The following PRKAG2 variants were observed in gnomAD, a reference collection of about 807,000 sequenced individuals.
The protein encoded by PRKAG2 is protein kinase AMP-activated non-catalytic subunit gamma 2, also known as 5'-AMP-activated protein kinase subunit gamma-2.
A neutral mutation model predicts 69.6 loss-of-function variants in PRKAG2; 26 were observed. The ratio of observed to expected loss-of-function variants is 0.37; its 90% CI spans 0.27 to 0.52. The LOEUF is 0.52. PRKAG2 is among the 20% of genes least tolerant of loss of function. PRKAG2 has a pLI of 0.90. For synonymous variants in PRKAG2, 293 were observed against 285.0 expected, an observed-to-expected ratio of 1.03 and a Z score of -0.28; for missense variants, 557 against 740.0, an observed-to-expected ratio of 0.75 and a Z score of 2.87.
intron 5 of PRKAG2, among the ~76,000 whole-genome samples, chr7:151,602,636 T>C (rs1322107456): frequency 6.6e-6 from 1 of 152,190 alleles, no homozygotes; most frequent in Non-Finnish European, 1.5e-5. Context: ...ATATACTCCA[T>C]ATCAGGTTCC....
Position 151,822,898 on chromosome 7 carries a change from T to C in PRKAG2, c.115-36357A>G, listed in dbSNP as rs2078821975. 1.3e-5 allele frequency among the ~76,000 whole-genome samples: 2 copies of C among 152,072 alleles called. 1 individual carries two copies. Among genetic ancestry groups the C allele is most frequent in the South Asian group, 4.1e-4 (2 of 4,824 alleles). On this transcript the variant is annotated intron_variant, in intron 1 of 15. Transcript: ENST00000287878. Reference sequence around the variant, plus strand: ...AGAATGTTCAGCCCTGATTCAAAAATGAAACAAACAAGAAAACAACCTCCA... The same window carrying C: ...AGAATGTTCAGCCCTGATTCAAAAACGAAACAAACAAGAAAACAACCTCCA...
At chr7:151,634,791 T>G (rs983639718) in intron 4 of PRKAG2, among the ~76,000 whole-genome samples, 2 of 152,046 alleles carry the variant, frequency 1.3e-5, no homozygotes, top group African/African-American at 4.8e-5. Flanking sequence ...ATTATATAAA[T>G]GCGAATTAAA....
chr7:151,751,167 A>C (rs1391700757), intron 3 of PRKAG2, among the ~76,000 whole-genome samples: 1 of 145,324 alleles, frequency 6.9e-6, no homozygotes, highest in African/African-American at 2.6e-5. Context: ...GTGTGATCTC[A>C]GCTCACTGCA....
chr7:151,858,055 T>C (rs539173031), intron 1 of PRKAG2, among the ~76,000 whole-genome samples: 5 of 152,320 alleles, frequency 3.3e-5, no homozygotes, highest in Admixed American at 2.0e-4. Context: ...CAGCCCCTTA[T>C]GGGGACAGCC....
chr7:151,600,489 C>A (rs913001313), intron 5 of PRKAG2, among the ~76,000 whole-genome samples: 8 of 152,308 alleles, frequency 5.3e-5, no homozygotes, highest in East Asian at 3.9e-4. Flanking sequence ...AGTCTATTTT[C>A]ATTCTGACCT....
intron 4 of PRKAG2, among the ~76,000 whole-genome samples, chr7:151,662,809 G>A (rs762726828): frequency 3.9e-5 from 6 of 152,154 alleles, no homozygotes; most frequent in Non-Finnish European, 8.8e-5. Context: ...AGGCTACTCA[G>A]GATAGCTTGA....
chr7:151,775,496 C>T (rs1004439755), intron 3 of PRKAG2, among the ~76,000 whole-genome samples: 8 of 152,142 alleles, frequency 5.3e-5, no homozygotes, highest in African/African-American at 1.9e-4. Context: ...CCAAATCCTT[C>T]CAACACATTG....
chr7:151,876,311 C>T (rs1370624686), intron 1 of PRKAG2, among the ~76,000 whole-genome samples, 196 bp downstream of exon 1: 1 of 152,080 alleles, frequency 6.6e-6, no homozygotes. Flanking sequence ...TGGCTGCACG[C>T]GGGCAGAGAG....
intron 1 of PRKAG2, among the ~76,000 whole-genome samples, chr7:151,830,687 G>C (rs1440982775): frequency 6.7e-6 from 1 of 150,108 alleles, no homozygotes; most frequent in Non-Finnish European, 1.5e-5. Flanking sequence ...CCAGAGCCTG[G>C]CCTGAGGCCT....
intron 3 of PRKAG2, among the ~76,000 whole-genome samples, chr7:151,742,529 C>T (rs2073966248): frequency 6.6e-6 from 1 of 151,722 alleles, no homozygotes; most frequent in South Asian, 2.1e-4. Flanking sequence ...GAGGCTGAGG[C>T]AGGAGAATCA....
Position 151,630,788 on chromosome 7 carries a change from A to G in PRKAG2, c.754+1281T>C, listed in dbSNP as rs938578874. Among the ~76,000 whole-genome samples, 15 of 152,360 alleles carry G rather than the reference A, an allele frequency of 9.8e-5. No individual in the cohort carries two copies. The East Asian group carries it at 2.9e-3, about 29-fold the overall frequency. On this transcript the variant is annotated intron_variant, in intron 5 of 15. Transcript: ENST00000287878. ...CAGCGGCCAAGATTTGGCCTGCAAT[A>G]TAATAAAACTGAGGAATAGTGAGAT...
chr7:151,630,212 T>C (rs892986036), intron 5 of PRKAG2, among the ~76,000 whole-genome samples: 8 of 152,088 alleles, frequency 5.3e-5, no homozygotes, highest in South Asian at 2.1e-4. Context: ...ATTCATTACA[T>C]TGGCAGACAC....
intron 1 of PRKAG2, among the ~76,000 whole-genome samples, chr7:151,872,776 G>A (rs2080248964): frequency 6.6e-6 from 1 of 152,212 alleles, no homozygotes; most frequent in Non-Finnish European, 1.5e-5. Context: ...CAGGTGGGGA[G>A]GGAGACACGA....
Position 151,767,124 on chromosome 7 carries a change from C to T in PRKAG2, c.466+14028G>A, listed in dbSNP as rs560300422. On this transcript the variant is annotated intron_variant, in intron 3 of 15. Transcript: ENST00000287878. ...GGAAAAACCTCTGTGAAGATGAAGG[C>T]GGAGACTGGGGGCTGTGCTTCCAAG... is the stretch of plus-strand genomic sequence containing the variant. 5.9e-5 allele frequency among the ~76,000 whole-genome samples: 9 copies of T among 152,194 alleles called. 1 individual carries two copies. In the South Asian group the frequency reaches 6.2e-4, roughly 11 times the overall value.
chr7:151,595,316 A>C (rs951893187), intron 6 of PRKAG2, 29 bp downstream of exon 6: 11 of 1,571,284 alleles, frequency 7.0e-6, no homozygotes, highest in Non-Finnish European at 9.6e-6. Context: ...AAAAATACCA[A>C]AAAATTCATG....
In PRKAG2 at chr7:151,714,451, G is replaced by A. The variant is rs755946253; in HGVS notation, c.467-38814C>T. The stretch of plus-strand genomic sequence containing the variant: ...GCCGTCCTCCCATCCGCGACCCGCC[G>A]TCCTCCCATCCACATGCCGCCATCC... On this transcript the variant is annotated intron_variant, in intron 3 of 15. Coordinates refer to ENST00000287878, the MANE Select transcript of PRKAG2 (RefSeq NM_016203.4). 1.9e-3 allele frequency among the ~76,000 whole-genome samples: 201 copies of A among 104,908 alleles called. 5 individuals carry two copies. In the East Asian group the frequency reaches 0.05, roughly 26 times the overall value. The allele number at this position is 104,908 out of a possible 152,430, so 68.8% of individuals were successfully genotyped here.
chr7:151,865,683 A>G (rs2080047531), intron 1 of PRKAG2, among the ~76,000 whole-genome samples: 1 of 152,202 alleles, frequency 6.6e-6, no homozygotes, highest in South Asian at 2.1e-4. Context: ...AAGAAGCAAA[A>G]ACAACAAACT....
intron 5 of PRKAG2, among the ~76,000 whole-genome samples, chr7:151,629,572 G>C (rs1036579227): frequency 5.3e-5 from 8 of 152,174 alleles, no homozygotes; most frequent in Non-Finnish European, 5.9e-5. Flanking sequence ...CATAACCCAG[G>C]CCAAAGACGA....
intron 3 of PRKAG2, among the ~76,000 whole-genome samples, chr7:151,725,682 A>G (rs958415798): frequency 6.6e-6 from 1 of 152,132 alleles, no homozygotes; most frequent in Non-Finnish European, 1.5e-5. Context: ...GTATTCAATT[A>G]TATACAGACA....
Sources: gnomAD v4.1 joint callset for allele counts (sites outside exome capture counted in the v4.1 genomes callset) on GRCh38, gnomAD v4.1.1 for gene constraint, MANE v1.5 for transcripts, NCBI Gene and HGNC (gene_info 2026-07-23, HGNC 2026-07-21) for gene names.